The following DENND4A variants were observed in gnomAD, a reference collection of about 807,000 sequenced individuals.
DENND4A encodes C-myc promoter-binding protein.
DENND4A carries 70 observed loss-of-function variants against 199.3 expected under a neutral mutation model. The ratio of observed to expected loss-of-function variants is 0.35; its 90% CI spans 0.29 to 0.43. DENND4A has a LOEUF of 0.43. DENND4A is among the 20% of genes least tolerant of loss of function. The probability of loss-of-function intolerance (pLI) is 1.00; values close to 1 mark genes in which losing one functional copy is unlikely to be tolerated. For synonymous variants in DENND4A, 686 were observed against 766.9 expected (o/e 0.89, Z 1.74); for missense variants, 1,723 against 2,255.8 (o/e 0.76, Z 4.78).
At chr15:65,675,461 G>T (rs2076345097) in intron 24 of DENND4A, among the ~76,000 whole-genome samples, 1 of 150,776 alleles carries the variant, frequency 6.6e-6, no homozygotes, top group Non-Finnish European at 1.5e-5. Flanking sequence ...CTTACATATG[G>T]CAAAAAAAAC....
chr15:65,720,943 T>C (rs1215919397), intron 12 of DENND4A, among the ~76,000 whole-genome samples: 16 of 57,394 alleles, frequency 2.8e-4, no homozygotes, highest in Non-Finnish European at 4.3e-4. Context: ...GGCTGTTTCA[T>C]TGATTATATA....
Position 65,690,634 on chromosome 15 carries a change from C to T in DENND4A, c.3960G>A (p.Arg1320=). 1 of 1,613,598 alleles carries T rather than the reference C, an allele frequency of 6.2e-7. No homozygotes were observed. Among genetic ancestry groups the T allele is most frequent in the South Asian group, 1.1e-5 (1 of 91,060 alleles). ...AGGCTGGAGAAGACCAAAGTCTATC[C>T]CTTGGTTTCTCCTCACTTTTTGTGT... is the stretch of plus-strand genomic sequence containing the variant. ...KSYTKSEEKP[R]DRLWSSPAFS... Residue 1320 remains arginine (R), a synonymous_variant, in exon 23 of 33, where the codon AGG becomes AGA. Transcript: ENST00000443035.
At chr15:65,737,052 T>C (rs1215969369) in intron 7 of DENND4A, among the ~76,000 whole-genome samples, 1 of 152,192 alleles carries the variant, frequency 6.6e-6, no homozygotes, top group Non-Finnish European at 1.5e-5. Flanking sequence ...TCATTATATG[T>C]AAATACGGTA....
chr15:65,732,874 G>T, intron 7 of DENND4A, 56 bp from the exon 8 acceptor site: 2 of 1,050,724 alleles, frequency 1.9e-6, no homozygotes, highest in Non-Finnish European at 2.9e-6. Flanking sequence ...ATGCTATAAA[G>T]CTCAACATGT....
At chr15:65,723,047 C>T (rs1302341722) in intron 11 of DENND4A, 99 bp from the exon 12 acceptor site, 2 of 894,042 alleles carry the variant, frequency 2.2e-6, no homozygotes, top group African/African-American at 1.8e-5. Flanking sequence ...GATTAAACAC[C>T]TTGAATGAAA....
At chr15:65,707,094 C>T (rs1386940477) in intron 14 of DENND4A, among the ~76,000 whole-genome samples, 1 of 152,024 alleles carries the variant, frequency 6.6e-6, no homozygotes, top group African/African-American at 2.4e-5. Flanking sequence ...TAAGCTCTTT[C>T]AGCATATGTA....
Position 65,755,885 on chromosome 15 carries a change from T to C in DENND4A, c.311+255A>G, listed in dbSNP as rs181804381. 2.0e-3 allele frequency among the ~76,000 whole-genome samples: 300 copies of C among 152,358 alleles called. 1 individual carries two copies. Among genetic ancestry groups the C allele is most frequent in the African/African-American group, 7.0e-3 (293 of 41,580 alleles). On this transcript the variant is annotated intron_variant, in intron 3 of 32. Coordinates refer to ENST00000443035, the MANE Select transcript of DENND4A (RefSeq NM_001320835.1). ...ATAACACTTTAATTTTCTAGTACTTTCCTGCAAATGTTTTTCAAATTCTCT... is the reference window on the plus strand; with the variant it reads ...ATAACACTTTAATTTTCTAGTACTTCCCTGCAAATGTTTTTCAAATTCTCT...
At chr15:65,780,148 C>T (rs541519553) in intron 1 of DENND4A, among the ~76,000 whole-genome samples, 14 of 152,300 alleles carry the variant, frequency 9.2e-5, no homozygotes, top group African/African-American at 2.6e-4. Flanking sequence ...GAGATCCGTA[C>T]GCCTTGGCCT....
At position 65,690,322 on chromosome 15, in the gene DENND4A, G is replaced by A. The variant is rs2076928621; in HGVS notation, c.4179+93C>T. On this transcript the variant is annotated intron_variant, in intron 23 of 32. Coordinates refer to ENST00000443035, the MANE Select transcript of DENND4A (RefSeq NM_001320835.1). ...CAATGAGTCCTTTTTATAAAGCTATGTTTAGAAGAATAGTTAAAACGAGTA... is the reference window on the plus strand; with the variant it reads ...CAATGAGTCCTTTTTATAAAGCTATATTTAGAAGAATAGTTAAAACGAGTA... 1.9e-5 allele frequency: 26 copies of A among 1,348,042 alleles called. No homozygotes were observed. In the East Asian group the frequency reaches 6.3e-4, roughly 33 times the overall value. 83.5% of individuals were successfully genotyped at this position (1,348,042 alleles called of 1,614,324 possible).
chr15:65,667,880 G>A (rs191718975), intron 28 of DENND4A, 45 bp downstream of exon 28: 106 of 1,570,072 alleles, frequency 6.8e-5, no homozygotes, highest in East Asian at 1.3e-4. Flanking sequence ...AAAATCATAC[G>A]TAAGTGATCA....
At chr15:65,723,315 GT>G (rs1262192118) in intron 11 of DENND4A, among the ~76,000 whole-genome samples, 1 of 151,838 alleles carries the variant, frequency 6.6e-6, no homozygotes, top group Non-Finnish European at 1.5e-5. Context: ...CCTACCATAA[GT>G]TTTTTTCTTA....
intron 1 of DENND4A, among the ~76,000 whole-genome samples, chr15:65,770,115 G>A (rs561935166): frequency 8.9e-4 from 136 of 152,036 alleles, no homozygotes; most frequent in Non-Finnish European, 1.5e-3. Flanking sequence ...ACTTGCATGT[G>A]GCCAAACAGA....
chr15:65,777,066 G>C (rs998607431), intron 1 of DENND4A, among the ~76,000 whole-genome samples: 2 of 152,156 alleles, frequency 1.3e-5, no homozygotes, highest in Non-Finnish European at 2.9e-5. Context: ...TACTCAGGAG[G>C]CTGAGGCAGG....
chr15:65,784,427 T>C (rs2140989943), intron 1 of DENND4A, among the ~76,000 whole-genome samples: 1 of 150,140 alleles, frequency 6.7e-6, no homozygotes. Flanking sequence ...TGTCAGACAC[T>C]GGCAACATGA....
intron 12 of DENND4A, among the ~76,000 whole-genome samples, chr15:65,720,947 T>TTTTA (rs1435137020): frequency 1.7e-4 from 13 of 76,258 alleles, no homozygotes; most frequent in African/African-American, 5.3e-4. Flanking sequence ...GTTTCATTGA[T>TTTTA]TATATATATA....
Position 65,738,834 on chromosome 15 carries a change from A to G in DENND4A, c.673T>C (p.Ser225Pro). The change falls in exon 6 of 33, where the codon TCA becomes CCA. Residue 225 changes from serine to proline, a missense_variant. Physicochemically the swap from Ser to Pro is moderately conservative, Grantham distance 74. Transcript: ENST00000443035. The stretch of plus-strand genomic sequence containing the variant: ...AATAGAGGAACAGATTCCGGTAGTG[A>G]GAATGACTCATAATCTTCTTGAGGA... ...RYPQEDYESF[S>P]LPESVPLFCL... is the part of the protein sequence containing the mutation. 6.2e-7 allele frequency: 1 copy of G among 1,609,346 alleles called. No homozygotes were observed. Among genetic ancestry groups the G allele is most frequent in the Non-Finnish European group, 8.5e-7 (1 of 1,178,224 alleles).
At chr15:65,684,971 T>C (rs922623688) in intron 23 of DENND4A, among the ~76,000 whole-genome samples, 1 of 150,288 alleles carries the variant, frequency 6.7e-6, no homozygotes, top group African/African-American at 2.5e-5. Flanking sequence ...ATTACAGGCA[T>C]GCACCACCAT....
intron 11 of DENND4A, among the ~76,000 whole-genome samples, chr15:65,727,234 C>T (rs1243504250): frequency 3.3e-5 from 5 of 151,742 alleles, no homozygotes; most frequent in South Asian, 2.1e-4. Flanking sequence ...AGGCGGATCA[C>T]GAGGTCAGGA....
At chr15:65,742,303 A>T (rs1018254260) in intron 4 of DENND4A, among the ~76,000 whole-genome samples, 13 of 151,888 alleles carry the variant, frequency 8.6e-5, no homozygotes, top group African/African-American at 3.1e-4. Flanking sequence ...TTTTTTTTTT[A>T]AATGGAGTCT....
Sources: allele counts gnomAD v4.1 joint callset (sites outside exome capture counted in the v4.1 genomes callset), GRCh38; gene constraint gnomAD v4.1.1; transcripts MANE v1.5; gene names NCBI Gene and HGNC (gene_info 2026-07-23, HGNC 2026-07-21).